HIRA: variants seen among roughly 807,000 people sequenced by gnomAD.
The protein encoded by HIRA is histone cell cycle regulator.
HIRA carries 13 observed loss-of-function variants against 126.6 expected under a neutral mutation model. That is an observed-to-expected ratio of 0.10 (90% CI 0.07 to 0.16). HIRA has a LOEUF of 0.16. Among genes scored for constraint, HIRA ranks in the 10% least tolerant of loss-of-function variants. The probability of loss-of-function intolerance (pLI) is 1.00; values close to 1 mark genes in which losing one functional copy is unlikely to be tolerated. For synonymous variants in HIRA, 511 were observed against 520.0 expected, an observed-to-expected ratio of 0.98 and a Z score of 0.24; for missense variants, 834 against 1,314.4, an observed-to-expected ratio of 0.63 and a Z score of 5.65.
intron 15 of HIRA, among the ~76,000 whole-genome samples, chr22:19,369,348 A>G (rs1183866381): frequency 6.6e-6 from 1 of 152,110 alleles, no homozygotes; most frequent in African/African-American, 2.4e-5. Context: ...TCACTGCCCA[A>G]CCACTGTGAC....
At chr22:19,390,648 A>C (rs548156709) in intron 9 of HIRA, among the ~76,000 whole-genome samples, 3 of 146,934 alleles carry the variant, frequency 2.0e-5, no homozygotes, top group African/African-American at 7.6e-5. Flanking sequence ...ACATCGCCTC[A>C]TCTCAGGGGA....
chr22:19,365,129 G>T (rs1420743712), intron 15 of HIRA, among the ~76,000 whole-genome samples: 1 of 152,224 alleles, frequency 6.6e-6, no homozygotes, highest in Non-Finnish European at 1.5e-5. Flanking sequence ...AAGAAAGTCT[G>T]AAGCTAGCAG....
chr22:19,331,173 C>T lies in HIRA; in HGVS notation c.*267G>A. The T allele has an allele frequency of 7.2e-7, 1 of 1,389,750 alleles. No individual in the cohort carries two copies. The highest frequency in any genetic ancestry group is 9.5e-7 in the Non-Finnish European group (1 of 1,053,264). The allele number at this position is 1,389,750 out of a possible 1,614,324, so 86.1% of individuals were successfully genotyped here. A position where few individuals can be genotyped will look rare whatever the true frequency, so the allele number is the denominator to read the frequency against. On this transcript the variant is annotated 3_prime_UTR_variant, in exon 25 of 25. Transcript: ENST00000263208. ...GGCAGGCCTGGGACTGCCTTGCTGG[C>T]CCCAGGGCACCTGGGCAGAGCTCCA...
intron 5 of HIRA, among the ~76,000 whole-genome samples, chr22:19,400,706 G>A (rs945368973): frequency 6.6e-6 from 1 of 151,872 alleles, no homozygotes; most frequent in Admixed American, 6.6e-5. Context: ...TACATTTCTG[G>A]CCACTGTTCT....
intron 19 of HIRA, 92 bp from the exon 20 acceptor site, chr22:19,356,380 T>C: frequency 9.1e-7 from 1 of 1,101,090 alleles, no homozygotes; most frequent in Middle Eastern, 2.0e-4. Context: ...CCCTACTGCA[T>C]GCGACCCTAA....
chr22:19,380,939 C>T (rs2089067520), intron 13 of HIRA, among the ~76,000 whole-genome samples: 1 of 152,140 alleles, frequency 6.6e-6, no homozygotes, highest in Admixed American at 6.5e-5. Context: ...TTCCACATAA[C>T]TTTATAGTTA....
Position 19,351,594 on chromosome 22 carries a change from A to G in HIRA, c.2849-148T>C. ...CGTATTTTATTGCCTACTATGGGCA[A>G]GACGCCCCTGCATGTCTCTCAGCGG... On this transcript the variant is annotated intron_variant, in intron 23 of 24. Coordinates refer to ENST00000263208, the MANE Select transcript of HIRA (RefSeq NM_003325.4). This position sits in a 1 kb window ranked among gnomAD's most constrained non-coding sequence, Gnocchi z 4.8. 1 of 648,628 alleles carries G rather than the reference A, an allele frequency of 1.5e-6. No homozygotes were observed. The highest frequency in any genetic ancestry group is 2.6e-6 in the Non-Finnish European group (1 of 381,800). The allele number at this position is 648,628 out of a possible 1,614,324, so 40.2% of individuals were successfully genotyped here. A position where few individuals can be genotyped will look rare whatever the true frequency, so the allele number is the denominator to read the frequency against.
At chr22:19,387,908 T>A in intron 10 of HIRA, 92 bp from the exon 11 acceptor site, 1 of 673,306 alleles carries the variant, frequency 1.5e-6, no homozygotes, top group Admixed American at 3.2e-5. Context: ...GTGGGCAGTG[T>A]TCTAGGGAGA....
chr22:19,387,464 CA>C (rs1226699577), intron 11 of HIRA, among the ~76,000 whole-genome samples: 1 of 152,164 alleles, frequency 6.6e-6, no homozygotes, highest in Non-Finnish European at 1.5e-5. Context: ...ATTATCAGCT[CA>C]AAAAGAGATG....
At chr22:19,387,342 T>C (rs1466916428) in intron 11 of HIRA, among the ~76,000 whole-genome samples, 1 of 152,104 alleles carries the variant, frequency 6.6e-6, no homozygotes, top group Non-Finnish European at 1.5e-5. Context: ...AGACAATGCG[T>C]TCTAAGAAAT....
At chr22:19,426,233 G>C (rs2089487328) in intron 1 of HIRA, among the ~76,000 whole-genome samples, 1 of 152,100 alleles carries the variant, frequency 6.6e-6, no homozygotes, top group Non-Finnish European at 1.5e-5. Flanking sequence ...CTAAGACACA[G>C]GTTGGGTGTT....
intron 24 of HIRA, among the ~76,000 whole-genome samples, chr22:19,337,225 G>A (rs927629744): frequency 6.6e-6 from 1 of 151,392 alleles, no homozygotes; most frequent in Non-Finnish European, 1.5e-5. Flanking sequence ...TACCAAAGGT[G>A]AAAATCAACT....
At chr22:19,398,756 C>T (rs879848642) in intron 5 of HIRA, among the ~76,000 whole-genome samples, 1 of 152,172 alleles carries the variant, frequency 6.6e-6, no homozygotes, top group Non-Finnish European at 1.5e-5. Context: ...GTGGGCAGAT[C>T]GCTTGAGCCC....
chr22:19,392,823 T>C (rs893439365), intron 8 of HIRA, among the ~76,000 whole-genome samples: 4 of 152,182 alleles, frequency 2.6e-5, no homozygotes, highest in Admixed American at 6.5e-5. Flanking sequence ...TCCAGGGAAC[T>C]ACCCCGAGAG....
At chr22:19,422,548 C>G (rs1228619825) in intron 1 of HIRA, among the ~76,000 whole-genome samples, 2 of 152,150 alleles carry the variant, frequency 1.3e-5, no homozygotes, top group Non-Finnish European at 2.9e-5. Context: ...CTCTCCCAAT[C>G]AGTCTGCTAT....
rs919434961 is a variant in HIRA at position 19,414,968 on chromosome 22, C to T, written c.38-4190G>A. On this transcript the variant is annotated intron_variant, in intron 1 of 24. Coordinates refer to ENST00000263208, the MANE Select transcript of HIRA (RefSeq NM_003325.4). Reference sequence around the variant, plus strand: ...ATTTATTTATTTATTTATTTTGAGACGAAATCTCACTCTGTCACCCAGGCT... The same window carrying T: ...ATTTATTTATTTATTTATTTTGAGATGAAATCTCACTCTGTCACCCAGGCT... Among the ~76,000 whole-genome samples, 4 of 133,568 alleles carry T rather than the reference C, an allele frequency of 3.0e-5. 1 individual carries two copies. The South Asian group carries it at 7.9e-4, about 26-fold the overall frequency. 87.6% of individuals were successfully genotyped at this position (133,568 alleles called of 152,430 possible).
chr22:19,342,669 T>C (rs1199871621), intron 24 of HIRA, among the ~76,000 whole-genome samples: 3 of 152,230 alleles, frequency 2.0e-5, no homozygotes, highest in Non-Finnish European at 2.9e-5. Flanking sequence ...ATTACAGGCA[T>C]GAGCCACTGC....
intron 15 of HIRA, among the ~76,000 whole-genome samples, chr22:19,369,694 G>A (rs2088947399): frequency 6.6e-6 from 1 of 152,152 alleles, no homozygotes; most frequent in Admixed American, 6.5e-5. Context: ...AACACTGGGA[G>A]GCCGAGGTGG....
intron 15 of HIRA, among the ~76,000 whole-genome samples, chr22:19,364,101 C>G (rs957021427): frequency 9.2e-5 from 14 of 151,576 alleles, no homozygotes; most frequent in Non-Finnish European, 4.4e-5. Context: ...TGTGGGAACT[C>G]TTTGTATTTC....
Sources: allele counts gnomAD v4.1 joint callset (sites outside exome capture counted in the v4.1 genomes callset), GRCh38; gene constraint gnomAD v4.1.1; non-coding constraint Gnocchi (gnomAD v3.1); transcripts MANE v1.5; gene names NCBI Gene and HGNC (gene_info 2026-07-23, HGNC 2026-07-21).